CNTNAP4: variants seen among roughly 807,000 people sequenced by gnomAD.
CNTNAP4 encodes contactin-associated protein-like 4.
CNTNAP4 carries 98 observed loss-of-function variants against 148.4 expected under a neutral mutation model. The observed-to-expected ratio is 0.66, with a 90% CI of 0.56 to 0.78. CNTNAP4 has a LOEUF of 0.78. Ranked by LOEUF, CNTNAP4 falls within the 30% of genes least tolerant of loss-of-function variation. CNTNAP4 has a pLI of 0.00. For missense variants in CNTNAP4, 1,935 were observed against 1,565.6 expected, an observed-to-expected ratio of 1.24 and a Z score of -3.98; for synonymous variants, 730 against 565.1, an observed-to-expected ratio of 1.29 and a Z score of -4.14.
At chr16:76,478,280 T>C (rs1002211963) in intron 11 of CNTNAP4, among the ~76,000 whole-genome samples, 11 of 152,318 alleles carry the variant, frequency 7.2e-5, no homozygotes, top group African/African-American at 2.6e-4. Context: ...TATGAACATA[T>C]GCATATGTAC....
In CNTNAP4 at chr16:76,376,907, T is replaced by TGTGTGTGTGTG. The variant is rs2015471306; in HGVS notation, c.390+21396_390+21397insGTGTGTGTGTG. On this transcript the variant is annotated intron_variant, in intron 3 of 23. Coordinates refer to ENST00000611870, the MANE Select transcript of CNTNAP4 (RefSeq NM_033401.5). ...TCCAGAGAAACAAAACTAACAAGGT[T>TGTGTGTGTGTG]TGTGTGTGTGTGTGTGTGTGTGTGT... Among the ~76,000 whole-genome samples the TGTGTGTGTGTG allele has an allele frequency of 2.1e-3, 298 of 143,544 alleles. 1 individual carries two copies. Among genetic ancestry groups the TGTGTGTGTGTG allele is most frequent in the African/African-American group, 7.2e-3 (280 of 38,874 alleles). The allele number at this position is 143,544 out of a possible 152,430, so 94.2% of individuals were successfully genotyped here. A position where few individuals can be genotyped will look rare whatever the true frequency, so the allele number is the denominator to read the frequency against.
chr16:76,428,178 T>C (rs2079479024), intron 4 of CNTNAP4, among the ~76,000 whole-genome samples: 1 of 152,202 alleles, frequency 6.6e-6, no homozygotes, highest in Non-Finnish European at 1.5e-5. Context: ...TAGTCTCCTC[T>C]TAATGAAGCA....
At chr16:76,464,449 C>T (rs568818119) in intron 9 of CNTNAP4, among the ~76,000 whole-genome samples, 1 of 152,190 alleles carries the variant, frequency 6.6e-6, no homozygotes, top group African/African-American at 2.4e-5. Context: ...TCCTGGGGAA[C>T]TGTGACAGTC....
chr16:76,327,768 G>C (rs963907959), intron 2 of CNTNAP4, among the ~76,000 whole-genome samples: 3 of 152,216 alleles, frequency 2.0e-5, no homozygotes, highest in Non-Finnish European at 4.4e-5. Flanking sequence ...GAGGATGAGA[G>C]CTGATGGACA....
chr16:76,301,324 A>C (rs79446141), intron 1 of CNTNAP4, among the ~76,000 whole-genome samples: 8,297 of 152,260 alleles, frequency 0.054, 713 homozygotes, highest in African/African-American at 0.18. Context: ...TAAGTTCTAA[A>C]ATCCAAAAAC....
chr16:76,298,971 A>G (rs891809464), intron 1 of CNTNAP4, among the ~76,000 whole-genome samples: 1 of 152,130 alleles, frequency 6.6e-6, no homozygotes, highest in African/African-American at 2.4e-5. Flanking sequence ...TTCTAACTTC[A>G]TTAGTTACAA....
intron 3 of CNTNAP4, among the ~76,000 whole-genome samples, chr16:76,416,529 T>C (rs1194879902): frequency 1.3e-5 from 2 of 151,448 alleles, no homozygotes; most frequent in Non-Finnish European, 3.0e-5. Context: ...TGAATTTTTT[T>C]CAGATGTTTA....
intron 15 of CNTNAP4, among the ~76,000 whole-genome samples, chr16:76,510,469 C>CTTT (rs58556090): frequency 1.4e-3 from 202 of 149,236 alleles, no homozygotes; most frequent in Middle Eastern, 3.5e-3. Context: ...TCCATGTATG[C>CTTT]TTTTTTTTTT....
intron 15 of CNTNAP4, among the ~76,000 whole-genome samples, chr16:76,516,971 G>A (rs1283087590): frequency 6.6e-6 from 1 of 152,188 alleles, no homozygotes; most frequent in Non-Finnish European, 1.5e-5. Flanking sequence ...GGCTGAGGCA[G>A]GAGAATCGCT....
chr16:76,403,097 T>TA (rs1328684761), intron 3 of CNTNAP4, among the ~76,000 whole-genome samples: 5 of 150,550 alleles, frequency 3.3e-5, no homozygotes, highest in South Asian at 4.2e-4. Flanking sequence ...GGGTTTTATT[T>TA]TTTTTTTTTT....
At chr16:76,370,845 A>G (rs1159695460) in intron 3 of CNTNAP4, among the ~76,000 whole-genome samples, 2 of 152,170 alleles carry the variant, frequency 1.3e-5, no homozygotes, top group African/African-American at 4.8e-5. Context: ...CAATATTTTG[A>G]TACTGAGGAA....
intron 3 of CNTNAP4, among the ~76,000 whole-genome samples, chr16:76,379,507 T>C (rs2015754966): frequency 6.6e-6 from 1 of 152,216 alleles, no homozygotes; most frequent in African/African-American, 2.4e-5. Flanking sequence ...AATTCCAAAA[T>C]GTACTACTCT....
chr16:76,456,440 G>T (rs1256566724), intron 8 of CNTNAP4, among the ~76,000 whole-genome samples: 1 of 152,188 alleles, frequency 6.6e-6, no homozygotes, highest in Non-Finnish European at 1.5e-5. Context: ...CAAAACAGTT[G>T]GTCATTCATA....
At chr16:76,427,879 A>G (rs988667244) in intron 4 of CNTNAP4, among the ~76,000 whole-genome samples, 2 of 152,188 alleles carry the variant, frequency 1.3e-5, no homozygotes, top group African/African-American at 4.8e-5. Flanking sequence ...ATTATTGACT[A>G]TGTTGTAACT....
intron 9 of CNTNAP4, among the ~76,000 whole-genome samples, chr16:76,465,604 C>T (rs7204548): frequency 0.056 from 8,506 of 152,204 alleles, 643 homozygotes; most frequent in African/African-American, 0.18. Flanking sequence ...ATTATAGTTG[C>T]TTCAAAATAT....
intron 9 of CNTNAP4, among the ~76,000 whole-genome samples, chr16:76,466,959 A>T (rs1430118850): frequency 1.3e-5 from 2 of 152,136 alleles, no homozygotes; most frequent in Admixed American, 6.6e-5. Context: ...CTTTTCTTAT[A>T]CATAGTACAT....
In CNTNAP4 at chr16:76,429,317, A is replaced by T. The variant is rs530979716; in HGVS notation, c.538+1718A>T. Among the ~76,000 whole-genome samples the T allele has an allele frequency of 1.6e-3, 238 of 152,300 alleles. 1 individual carries two copies. Among genetic ancestry groups the T allele is most frequent in the Non-Finnish European group, 2.7e-3 (187 of 68,018 alleles). Reference sequence around the variant, plus strand: ...ACATGATGGACAACTAGTAAAACCAATTTCAAAGTGCTTCCTGTTTACAGT... The same window carrying T: ...ACATGATGGACAACTAGTAAAACCATTTTCAAAGTGCTTCCTGTTTACAGT... On this transcript the variant is annotated intron_variant, in intron 4 of 23. Transcript: ENST00000611870.
chr16:76,348,888 GT>G (rs1169774552), intron 2 of CNTNAP4, among the ~76,000 whole-genome samples: 3 of 151,226 alleles, frequency 2.0e-5, no homozygotes, highest in East Asian at 3.9e-4. Flanking sequence ...GTCAAGAGAA[GT>G]TTTTTTTCTT....
Position 76,362,107 on chromosome 16 carries a change from C to T in CNTNAP4, c.390+6596C>T, listed in dbSNP as rs1174791696. The stretch of plus-strand genomic sequence containing the variant: ...TATATATTTAGTTTATACATACTAA[C>T]GATAAATGATCCAAAAAGGAAATTT... On this transcript the variant is annotated intron_variant, in intron 3 of 23. Coordinates refer to ENST00000611870, the MANE Select transcript of CNTNAP4 (RefSeq NM_033401.5). 4.0e-5 allele frequency among the ~76,000 whole-genome samples: 6 copies of T among 151,780 alleles called. No homozygotes were observed. The South Asian group carries it at 8.3e-4, about 21-fold the overall frequency.
Sources: gnomAD v4.1 joint callset for allele counts (sites outside exome capture counted in the v4.1 genomes callset) on GRCh38, gnomAD v4.1.1 for gene constraint, MANE v1.5 for transcripts, NCBI Gene and HGNC (gene_info 2026-07-23, HGNC 2026-07-21) for gene names.